The following HS6ST3 variants were observed in gnomAD, a reference collection of about 807,000 sequenced individuals.
HS6ST3 encodes the protein heparan-sulfate 6-O-sulfotransferase 3.
Under a neutral mutation model 36.7 loss-of-function variants are expected in HS6ST3, and 12 were observed. The observed-to-expected ratio is 0.33, with a 90% confidence interval of 0.21 to 0.53. HS6ST3 has a LOEUF of 0.53. Among genes scored for constraint, HS6ST3 ranks in the 20% least tolerant of loss-of-function variants. The pLI is 0.95. For missense variants in HS6ST3, 584 were observed against 640.9 expected, an observed-to-expected ratio of 0.91 and a Z score of 0.96; for synonymous variants, 240 against 257.5, an observed-to-expected ratio of 0.93 and a Z score of 0.65.
intron 1 of HS6ST3, among the ~76,000 whole-genome samples, chr13:96,127,337 C>T (rs551076977): frequency 6.6e-6 from 1 of 152,314 alleles, no homozygotes; most frequent in African/African-American, 2.4e-5. Context: ...GATTAAACTG[C>T]CCCACCTCAA....
chr13:96,608,369 A>G (rs935286824), intron 1 of HS6ST3, among the ~76,000 whole-genome samples: 2 of 152,252 alleles, frequency 1.3e-5, no homozygotes, highest in Non-Finnish European at 2.9e-5. Flanking sequence ...TTTAGCACAA[A>G]CAGCTGCTAA....
intron 1 of HS6ST3, among the ~76,000 whole-genome samples, chr13:96,791,664 C>T (rs897104190): frequency 6.6e-6 from 1 of 152,008 alleles, no homozygotes; most frequent in African/African-American, 2.4e-5. Flanking sequence ...AGAAAGGATA[C>T]CTTTACCTTG....
At chr13:96,614,591 C>T (rs2056467824) in intron 1 of HS6ST3, among the ~76,000 whole-genome samples, 1 of 152,112 alleles carries the variant, frequency 6.6e-6, no homozygotes, top group Admixed American at 6.5e-5. Context: ...GTTGATCTTT[C>T]ATGAGGAAAA....
intron 1 of HS6ST3, among the ~76,000 whole-genome samples, chr13:96,163,989 A>G (rs547157931): frequency 1.3e-5 from 2 of 152,320 alleles, no homozygotes; most frequent in South Asian, 4.1e-4. Context: ...TCTGGGAAAC[A>G]TAGTTCTCAA....
intron 1 of HS6ST3, among the ~76,000 whole-genome samples, chr13:96,649,679 T>G (rs2056600831): frequency 6.6e-6 from 1 of 152,028 alleles, no homozygotes; most frequent in African/African-American, 2.4e-5. Context: ...ATCTCCCACT[T>G]GGATTATGGT....
chr13:96,283,777 A>G (rs1295903745), intron 1 of HS6ST3, among the ~76,000 whole-genome samples: 2 of 152,140 alleles, frequency 1.3e-5, no homozygotes, highest in African/African-American at 4.8e-5. Context: ...TTTAATGTGC[A>G]TACAGATCAC....
At chr13:96,348,979 T>C (rs1343568910) in intron 1 of HS6ST3, among the ~76,000 whole-genome samples, 4 of 152,226 alleles carry the variant, frequency 2.6e-5, no homozygotes, top group Non-Finnish European at 5.9e-5. Context: ...TTAAAAAGTT[T>C]AGGGGTTACA....
At chr13:96,494,254 G>A (rs1049897359) in intron 1 of HS6ST3, among the ~76,000 whole-genome samples, 3 of 151,990 alleles carry the variant, frequency 2.0e-5, no homozygotes, top group African/African-American at 7.2e-5. Flanking sequence ...GGACATGGAT[G>A]AAGCTGGAAA....
At chr13:96,762,887 TCTC>T (rs1265506566) in intron 1 of HS6ST3, among the ~76,000 whole-genome samples, 1 of 152,190 alleles carries the variant, frequency 6.6e-6, no homozygotes, top group Non-Finnish European at 1.5e-5. Context: ...CCTTCATTGG[TCTC>T]CTCTCCTCTT....
At chr13:96,678,680 T>C (rs2056707649) in intron 1 of HS6ST3, among the ~76,000 whole-genome samples, 1 of 145,166 alleles carries the variant, frequency 6.9e-6, no homozygotes, top group Non-Finnish European at 1.5e-5. Flanking sequence ...AGACTCTATC[T>C]AAAAAAAAAA....
chr13:96,687,752 G>C (rs1266690304), intron 1 of HS6ST3, among the ~76,000 whole-genome samples: 2 of 151,836 alleles, frequency 1.3e-5, no homozygotes, highest in Non-Finnish European at 2.9e-5. Context: ...TAAGGATTGA[G>C]ACTCTCCATC....
chr13:96,659,151 GT>G (rs1226071767), intron 1 of HS6ST3, among the ~76,000 whole-genome samples: 1 of 152,190 alleles, frequency 6.6e-6, no homozygotes, highest in African/African-American at 2.4e-5. Context: ...GATATGAATG[GT>G]CCAGTTACTC....
chr13:96,426,565 G>C (rs1337168821), intron 1 of HS6ST3, among the ~76,000 whole-genome samples: 1 of 152,048 alleles, frequency 6.6e-6, no homozygotes, highest in Non-Finnish European at 1.5e-5. Context: ...GTTTCCCTTT[G>C]CCATTTTAAA....
At chr13:96,700,855 T>G (rs1459742831) in intron 1 of HS6ST3, among the ~76,000 whole-genome samples, 1 of 152,210 alleles carries the variant, frequency 6.6e-6, no homozygotes, top group Non-Finnish European at 1.5e-5. Flanking sequence ...TGATTCACTC[T>G]TATCTCTTTG....
In HS6ST3 at chr13:96,280,372, G is replaced by A. The variant is rs181878913; in HGVS notation, c.707+188803G>A. Among the ~76,000 whole-genome samples the A allele has an allele frequency of 4.2e-3, 636 of 151,526 alleles. 4 individuals carry two copies. Among genetic ancestry groups the A allele is most frequent in the South Asian group, 7.8e-3 (37 of 4,774 alleles). On this transcript the variant is annotated intron_variant, in intron 1 of 1. Transcript: ENST00000376705. ...AAAATCTACCATTTCTCCATTCTACGTTTATTATTTCTATCAGCAAAGTGA... is the reference window on the plus strand; with the variant it reads ...AAAATCTACCATTTCTCCATTCTACATTTATTATTTCTATCAGCAAAGTGA...
At chr13:96,147,004 T>A (rs1213766217) in intron 1 of HS6ST3, among the ~76,000 whole-genome samples, 3 of 152,230 alleles carry the variant, frequency 2.0e-5, no homozygotes, top group African/African-American at 7.2e-5. Context: ...GGTAAGGAAC[T>A]GAGATGCAGA....
chr13:96,500,464 G>A (rs1594794893), intron 1 of HS6ST3, among the ~76,000 whole-genome samples: 1 of 152,168 alleles, frequency 6.6e-6, no homozygotes, highest in African/African-American at 2.4e-5. Flanking sequence ...AATGACCTCT[G>A]TTACCATTTC....
intron 1 of HS6ST3, among the ~76,000 whole-genome samples, chr13:96,683,195 C>A (rs2056724157): frequency 6.6e-6 from 1 of 152,044 alleles, no homozygotes; most frequent in Non-Finnish European, 1.5e-5. Flanking sequence ...CTTCATCTAG[C>A]TAGAGTCCAG....
At chr13:96,419,238 A>T (rs2055550242) in intron 1 of HS6ST3, among the ~76,000 whole-genome samples, 1 of 152,248 alleles carries the variant, frequency 6.6e-6, no homozygotes, top group Non-Finnish European at 1.5e-5. Context: ...ATCACTAATT[A>T]TGAGTTCCTT....
Sources: allele counts gnomAD v4.1 joint callset (sites outside exome capture counted in the v4.1 genomes callset), GRCh38; gene constraint gnomAD v4.1.1; transcripts MANE v1.5; gene names NCBI Gene and HGNC (gene_info 2026-07-23, HGNC 2026-07-21).